The following ACVR1 variants were observed in gnomAD, a reference collection of about 807,000 sequenced individuals.
ACVR1 encodes the protein activin A receptor type 1.
ACVR1 carries 38 observed loss-of-function variants against 57.1 expected under a neutral mutation model. That is an observed-to-expected ratio of 0.67 (90% CI 0.51 to 0.87). The LOEUF is 0.87. Among genes scored for constraint, ACVR1 ranks in the 40% least tolerant of loss-of-function variants. The pLI is 0.00. For synonymous variants in ACVR1, 212 were observed against 228.1 expected (o/e 0.93, Z 0.63); for missense variants, 463 against 638.2 (o/e 0.73, Z 2.96).
At chr2:157,842,169 A>T (rs1218607189) in intron 1 of ACVR1, among the ~76,000 whole-genome samples, 1 of 152,208 alleles carries the variant, frequency 6.6e-6, no homozygotes, top group Admixed American at 6.5e-5. Context: ...CAACAGTCCA[A>T]TACTGAAGAA....
intron 3 of ACVR1, among the ~76,000 whole-genome samples, chr2:157,783,066 G>A (rs568073075): frequency 3.5e-4 from 53 of 152,244 alleles, no homozygotes; most frequent in African/African-American, 1.1e-3. Context: ...AACCAGCAAC[G>A]CTAGACTAGA....
intron 1 of ACVR1, among the ~76,000 whole-genome samples, chr2:157,862,422 TACACACAC>T (rs68077740): frequency 1.6e-3 from 229 of 143,712 alleles, no homozygotes; most frequent in Admixed American, 2.3e-3. Flanking sequence ...CATATACACA[TACACACAC>T]ACACACACAC....
chr2:157,864,351 C>T (rs1689841750), intron 1 of ACVR1, among the ~76,000 whole-genome samples: 1 of 152,024 alleles, frequency 6.6e-6, no homozygotes, highest in Non-Finnish European at 1.5e-5. Context: ...GCTGGGTCTA[C>T]AGCCACATGC....
intron 1 of ACVR1, among the ~76,000 whole-genome samples, chr2:157,848,139 A>G (rs1381196827): frequency 1.3e-5 from 2 of 152,190 alleles, no homozygotes; most frequent in Admixed American, 6.5e-5. Flanking sequence ...TTGATTGTTT[A>G]AAAATGGCCC....
At chr2:157,765,403 GTACTGGT>G (rs1685824506) in intron 8 of ACVR1, among the ~76,000 whole-genome samples, 1 of 152,186 alleles carries the variant, frequency 6.6e-6, no homozygotes, top group African/African-American at 2.4e-5. Flanking sequence ...AAATGCAACA[GTACTGGT>G]TACTTCTGAG....
chr2:157,772,645 A>C (rs73966125), intron 6 of ACVR1, among the ~76,000 whole-genome samples: 1,966 of 152,260 alleles, frequency 0.013, 52 homozygotes, highest in African/African-American at 0.044. Flanking sequence ...AGTAGTGGAG[A>C]GGGGAGATGA....
intron 1 of ACVR1, among the ~76,000 whole-genome samples, chr2:157,848,267 C>T (rs1286352761): frequency 6.6e-6 from 1 of 152,184 alleles, no homozygotes; most frequent in African/African-American, 2.4e-5. Flanking sequence ...TAACAGCTTC[C>T]AGAACCAGAT....
At chr2:157,796,413 T>C (rs1687125425) in intron 3 of ACVR1, among the ~76,000 whole-genome samples, 2 of 149,982 alleles carry the variant, frequency 1.3e-5, no homozygotes, top group Non-Finnish European at 3.0e-5. Context: ...AATTAGCTAG[T>C]TGTGGTGGCA....
intron 5 of ACVR1, among the ~76,000 whole-genome samples, chr2:157,774,894 G>T (rs553148639): frequency 1.3e-5 from 2 of 152,142 alleles, no homozygotes; most frequent in Admixed American, 6.5e-5. Context: ...AAAAGGGTGG[G>T]GGGGGTCCTT....
At chr2:157,748,591 G>C (rs1403480233) in intron 9 of ACVR1, among the ~76,000 whole-genome samples, 1 of 151,530 alleles carries the variant, frequency 6.6e-6, no homozygotes, top group Non-Finnish European at 1.5e-5. Context: ...AGCTCCCAGT[G>C]GTTGAGAAAC....
intron 9 of ACVR1, among the ~76,000 whole-genome samples, chr2:157,749,885 G>A (rs1243500959): frequency 6.6e-6 from 1 of 152,184 alleles, no homozygotes; most frequent in African/African-American, 2.4e-5. Flanking sequence ...TGCACCAATG[G>A]GAGGCCTGAG....
intron 1 of ACVR1, among the ~76,000 whole-genome samples, chr2:157,841,652 T>C (rs890540748): frequency 6.6e-6 from 1 of 152,106 alleles, no homozygotes; most frequent in Admixed American, 6.6e-5. Flanking sequence ...TTGGAGGCTA[T>C]AGTGTACCAT....
rs369753645 is a variant in ACVR1, at chr2:157,828,449, CA to C, written c.-182-9891del. Among the ~76,000 whole-genome samples, 507 of 84,258 alleles carry C rather than the reference CA, an allele frequency of 6.0e-3. 5 individuals carry two copies. Among genetic ancestry groups the C allele is most frequent in the African/African-American group, 0.023 (469 of 20,590 alleles). The allele number at this position is 84,258 out of a possible 152,430, so 55.3% of individuals were successfully genotyped here. On this transcript the variant is annotated intron_variant, in intron 1 of 10. Transcript: ENST00000434821. ...TAGGCAACAGAGCAAGACTCCGTCT[CA>C]AAAAAAAAAAAAAAAAAAAAATTAG...
chr2:157,835,300 G>A (rs763753846), intron 1 of ACVR1, among the ~76,000 whole-genome samples: 4 of 152,014 alleles, frequency 2.6e-5, no homozygotes, highest in Non-Finnish European at 5.9e-5. Flanking sequence ...AACTTAATGT[G>A]CCTCATTCCC....
intron 3 of ACVR1, chr2:157,790,064 T>A (rs1263675102): frequency 6.6e-6 from 1 of 152,386 alleles, no homozygotes; most frequent in Admixed American, 6.5e-5. Context: ...TTTTTTTTTC[T>A]TCCTTTTAAG....
At position 157,755,618 on chromosome 2, in the gene ACVR1, G is replaced by A. The variant is rs531793013; in HGVS notation, c.1264+5262C>T. Among the ~76,000 whole-genome samples, 85 of 152,068 alleles carry A rather than the reference G, an allele frequency of 5.6e-4. No individual in the cohort carries two copies. In the Middle Eastern group the frequency reaches 0.014, roughly 24 times the overall value. ...AATATACCTAACCAAGGAAGCAGAAGATCTCTACAAGGAAAACTACAAGAC... is the reference window on the plus strand; with the variant it reads ...AATATACCTAACCAAGGAAGCAGAAAATCTCTACAAGGAAAACTACAAGAC... On this transcript the variant is annotated intron_variant, in intron 9 of 10. Coordinates refer to ENST00000434821, the MANE Select transcript of ACVR1 (RefSeq NM_001111067.4).
intron 1 of ACVR1, among the ~76,000 whole-genome samples, chr2:157,865,652 C>T (rs1212354671): frequency 6.6e-6 from 1 of 151,666 alleles, no homozygotes; most frequent in Non-Finnish European, 1.5e-5. Context: ...ATTAGCCGGG[C>T]GTGGTGGCGC....
At chr2:157,870,774 A>C (rs1053157650) in intron 1 of ACVR1, among the ~76,000 whole-genome samples, 13 of 152,250 alleles carry the variant, frequency 8.5e-5, no homozygotes, top group African/African-American at 3.1e-4. Flanking sequence ...AAAAGAACAC[A>C]ATAAATGTTT....
intron 2 of ACVR1, among the ~76,000 whole-genome samples, chr2:157,800,914 T>TG (rs1236000054): frequency 6.6e-6 from 1 of 151,868 alleles, no homozygotes; most frequent in Non-Finnish European, 1.5e-5. Context: ...CCAACCCCAT[T>TG]GCCTCCTCCT....
Sources: allele counts gnomAD v4.1 joint callset (sites outside exome capture counted in the v4.1 genomes callset), GRCh38; gene constraint gnomAD v4.1.1; transcripts MANE v1.5; gene names NCBI Gene and HGNC (gene_info 2026-07-23, HGNC 2026-07-21).